The following SLC36A1 variants were observed in gnomAD, a reference collection of about 807,000 sequenced individuals.
SLC36A1 encodes proton-coupled amino acid transporter 1.
SLC36A1 carries 30 observed loss-of-function variants against 47.5 expected under a neutral mutation model. That is an observed-to-expected ratio of 0.63 (90% CI 0.47 to 0.86). The LOEUF (loss-of-function observed/expected upper bound fraction) is 0.86, where lower values mean the gene tolerates loss of function less well. Among genes scored for constraint, SLC36A1 ranks in the 40% least tolerant of loss-of-function variants. The pLI is 0.00. For missense variants in SLC36A1, 517 were observed against 606.0 expected (o/e 0.85, Z 1.54); for synonymous variants, 255 against 249.7 (o/e 1.02, Z -0.20).
chr5:151,415,308 A>G, the SLC36A1 span, among the ~76,000 whole-genome samples: 3 of 152,242 alleles, frequency 2.0e-5, no homozygotes, highest in Admixed American at 2.0e-4. Flanking sequence ...TGGGAACAGC[A>G]TTCTGATGTA....
chr5:151,487,909 T>C, intron 10 of SLC36A1, 74 bp from the exon 11 acceptor site: 1 of 1,531,616 alleles, frequency 6.5e-7, no homozygotes, highest in Non-Finnish European at 8.9e-7. Flanking sequence ...AGATGCTGAA[T>C]TCGCTCAACA....
intron 1 of SLC36A1, chr5:151,452,529 TA>T (rs1244638862): frequency 6.6e-6 from 1 of 152,222 alleles, no homozygotes; most frequent in African/African-American, 2.4e-5. Context: ...TAAGATCATA[TA>T]TTTTTTGTAG....
the SLC36A1 span, among the ~76,000 whole-genome samples, chr5:151,391,184 T>C: frequency 6.6e-6 from 1 of 151,958 alleles, no homozygotes; most frequent in Admixed American, 6.6e-5. Flanking sequence ...TGAATGGGAG[T>C]TCACTCATGA....
At chr5:151,355,128 A>G in the SLC36A1 span, among the ~76,000 whole-genome samples, 11 of 152,172 alleles carry the variant, frequency 7.2e-5, no homozygotes, top group Non-Finnish European at 1.6e-4. Context: ...TAATAAAAAG[A>G]GAGTGAGATT....
chr5:151,402,411 T>C, the SLC36A1 span, among the ~76,000 whole-genome samples: 1 of 152,196 alleles, frequency 6.6e-6, no homozygotes, highest in Admixed American at 6.5e-5. Flanking sequence ...TGTTGAGGAT[T>C]TTTGTGTCAA....
Position 151,473,744 on chromosome 5 carries a change from G to A in SLC36A1, c.795G>A (p.Ala265=), listed in dbSNP as rs375738863. The change falls in exon 8 of 11, where the codon GCG becomes GCA. Residue 265 remains alanine, a synonymous_variant. Transcript: ENST00000243389. ...WKTYPLFFGT[A]IFSFEGIGMV... is the part of the protein sequence containing the mutation. The stretch of plus-strand genomic sequence containing the variant: ...CCTACCCTCTCTTCTTTGGCACAGC[G>A]ATTTTTTCATTTGAAGGCATTGGAA... 8 of 1,613,800 alleles carry A rather than the reference G, an allele frequency of 5.0e-6. No homozygotes were observed. The Admixed American group carries it at 5.0e-5, about 10-fold the overall frequency.
chr5:151,476,975 C>T (rs1036259675), intron 9 of SLC36A1: 121 of 681,654 alleles, frequency 1.8e-4, no homozygotes, highest in Admixed American at 9.4e-4. Flanking sequence ...GCTGATCAGC[C>T]GATGGGTAAG....
the SLC36A1 span, among the ~76,000 whole-genome samples, chr5:151,421,684 G>A: frequency 1.3e-5 from 2 of 151,482 alleles, no homozygotes; most frequent in African/African-American, 4.9e-5. Context: ...TCTGCCTCCT[G>A]GGTTCAAGGG....
At chr5:151,453,081 G>C (rs533081669) in intron 1 of SLC36A1, among the ~76,000 whole-genome samples, 3 of 150,720 alleles carry the variant, frequency 2.0e-5, no homozygotes, top group Non-Finnish European at 4.4e-5. Context: ...GCGCATGTCC[G>C]TAATCCCAGC....
At chr5:151,511,937 T>TC in the SLC36A1 span, 1 of 564,412 alleles carries the variant, frequency 1.8e-6, no homozygotes, top group South Asian at 2.2e-5. Flanking sequence ...ATTCATATCC[T>TC]CCCTCATCCC....
At chr5:151,467,489 G>A (rs2271215) in intron 6 of SLC36A1, among the ~76,000 whole-genome samples, 3 of 151,808 alleles carry the variant, frequency 2.0e-5, no homozygotes, top group African/African-American at 7.3e-5. Flanking sequence ...ATGTCTTGTC[G>A]ACCCTCCTGT....
the SLC36A1 span, among the ~76,000 whole-genome samples, chr5:151,537,319 GAGAAAAAA>G: frequency 1.2e-5 from 1 of 82,882 alleles, no homozygotes; most frequent in Non-Finnish European, 2.2e-5. Flanking sequence ...GAAAAAGAAA[GAGAAAAAA>G]AGAAAGAAAA....
rs1040344765 is a variant in SLC36A1, at chr5:151,489,653, G to T, written c.*1399G>T. The T allele has an allele frequency of 8.5e-5, 13 of 152,490 alleles. No individual in the cohort carries two copies. The highest frequency in any genetic ancestry group is 3.1e-4 in the African/African-American group (13 of 41,422). 9.4% of individuals were successfully genotyped at this position (152,490 alleles called of 1,614,324 possible). A position where few individuals can be genotyped will look rare whatever the true frequency, so the allele number is the denominator to read the frequency against. On this transcript the variant is annotated 3_prime_UTR_variant, in exon 11 of 11. Coordinates refer to ENST00000243389, the MANE Select transcript of SLC36A1 (RefSeq NM_078483.4). This position sits in a 1 kb window ranked among gnomAD's most constrained non-coding sequence, Gnocchi z 4.5. ...TGGCCCTCCTCAAGGTCAGCCTTCA[G>T]ATTTGGGAGCAAACTTCAGAGAAGG... is the stretch of plus-strand genomic sequence containing the variant.
chr5:151,468,418 G>T (rs1756893597), intron 7 of SLC36A1, among the ~76,000 whole-genome samples: 1 of 143,686 alleles, frequency 7.0e-6, no homozygotes. Context: ...TATAATGTAT[G>T]TAATATTTAT....
chr5:151,420,598 G>A, the SLC36A1 span, among the ~76,000 whole-genome samples: 1 of 152,158 alleles, frequency 6.6e-6, no homozygotes, highest in African/African-American at 2.4e-5. Flanking sequence ...CAGGAAATGA[G>A]AGGGAATGTG....
At chr5:151,419,011 A>G in the SLC36A1 span, among the ~76,000 whole-genome samples, 1 of 152,156 alleles carries the variant, frequency 6.6e-6, no homozygotes, top group Non-Finnish European at 1.5e-5. Flanking sequence ...TGATGGTTTT[A>G]TAAGGGGCTA....
At chr5:151,547,219 C>G in the SLC36A1 span, among the ~76,000 whole-genome samples, 1 of 152,140 alleles carries the variant, frequency 6.6e-6, no homozygotes, top group Non-Finnish European at 1.5e-5. Flanking sequence ...GAGATAAAAT[C>G]TACTGCTTGC....
At chr5:151,418,049 G>A in the SLC36A1 span, among the ~76,000 whole-genome samples, 7 of 152,388 alleles carry the variant, frequency 4.6e-5, no homozygotes, top group East Asian at 9.6e-4. Flanking sequence ...CAAGCCCCAA[G>A]CATGGACAGC....
At chr5:151,453,589 T>C (rs1043184636) in intron 1 of SLC36A1, among the ~76,000 whole-genome samples, 7 of 152,158 alleles carry the variant, frequency 4.6e-5, no homozygotes, top group African/African-American at 1.7e-4. Context: ...ATTGGAATCC[T>C]GAAACTTTAG....
Sources: allele counts gnomAD v4.1 joint callset (sites outside exome capture counted in the v4.1 genomes callset), GRCh38; gene constraint gnomAD v4.1.1; non-coding constraint Gnocchi (gnomAD v3.1); transcripts MANE v1.5; gene names NCBI Gene and HGNC (gene_info 2026-07-23, HGNC 2026-07-21).